Variants in REC8 observed in about 807,000 individuals in gnomAD.
The protein encoded by REC8 is REC8 meiotic recombination protein.
Under a neutral mutation model 78.3 loss-of-function variants are expected in REC8, and 42 were observed. The ratio of observed to expected loss-of-function variants is 0.54; its 90% CI spans 0.42 to 0.69. REC8 has a LOEUF of 0.69. Among genes scored for constraint, REC8 ranks in the 30% least tolerant of loss-of-function variants. The pLI is 0.00. For missense variants in REC8, 581 were observed against 715.8 expected, an observed-to-expected ratio of 0.81 and a Z score of 2.15; for synonymous variants, 268 against 274.1, an observed-to-expected ratio of 0.98 and a Z score of 0.22.
At chr14:24,179,371 C>T (rs1305067365) in intron 15 of REC8, 26 bp from the exon 16 acceptor site, 1 of 1,612,890 alleles carries the variant, frequency 6.2e-7, no homozygotes, top group East Asian at 2.2e-5. Flanking sequence ...AGCAGACACC[C>T]ACTAGCGCCT....
intron 5 of REC8, among the ~76,000 whole-genome samples, chr14:24,174,644 TA>T (rs1478367523): frequency 6.6e-6 from 1 of 152,214 alleles, no homozygotes; most frequent in Admixed American, 6.5e-5. Flanking sequence ...CTGTGGCTCC[TA>T]AACACTAGTT....
chr14:24,173,512 GCT>G lies in REC8; in HGVS notation c.462+107_462+108del, dbSNP rs764325929. ...GGGTTGGGGAAGGAAGCTTACCACA[GCT>G]CTCTCCCACAGGAGATGGTGCAGGG... On this transcript the variant is annotated intron_variant, in intron 5 of 18. Coordinates refer to ENST00000611366, the MANE Select transcript of REC8 (RefSeq NM_001048205.2). The G allele has an allele frequency of 5.6e-5, 87 of 1,559,792 alleles. 1 individual carries two copies. The South Asian group carries it at 9.7e-4, about 17-fold the overall frequency.
intron 5 of REC8, among the ~76,000 whole-genome samples, chr14:24,173,929 G>A (rs901898763): frequency 8.6e-5 from 13 of 152,010 alleles, no homozygotes; most frequent in African/African-American, 2.7e-4. Flanking sequence ...GCAGTGGCAC[G>A]ATCTCAGCTT....
At position 24,172,784 on chromosome 14, in the gene REC8, A is replaced by G. The variant is rs2038723332; in HGVS notation, c.125+3A>G. On this transcript the variant is annotated splice_donor_region_variant and intron_variant, in intron 2 of 18. Transcript: ENST00000611366. The stretch of plus-strand genomic sequence containing the variant: ...AGGGTGAATGTGGTGAAAACCTGGT[A>G]AGGCCCAGAAAAGGGAAGGAGGGCC... The G allele has an allele frequency of 1.2e-6, 2 of 1,614,152 alleles. No individual in the cohort carries two copies. Among genetic ancestry groups the G allele is most frequent in the Non-Finnish European group, 1.7e-6 (2 of 1,180,014 alleles).
Position 24,176,892 on chromosome 14 carries a change from G to A in REC8, c.615G>A (p.Leu205=). Residue 205 remains leucine (L), a synonymous_variant, in exon 7 of 19, where the codon CTG becomes CTA. Coordinates refer to ENST00000611366, the MANE Select transcript of REC8 (RefSeq NM_001048205.2). ...TGGAGGCAGAGCCCATACGGATGCT[G>A]GAGATTGAGGTGAGTTCCCCTGCAC... ...TILEAEPIRM[L]EIEGERELPE... is the part of the protein sequence containing the mutation. 1 of 1,613,326 alleles carries A rather than the reference G, an allele frequency of 6.2e-7. No homozygotes were observed. Among genetic ancestry groups the A allele is most frequent in the Non-Finnish European group, 8.5e-7 (1 of 1,179,598 alleles).
At chr14:24,173,959 C>T (rs554955709) in intron 5 of REC8, among the ~76,000 whole-genome samples, 39 of 152,050 alleles carry the variant, frequency 2.6e-4, no homozygotes, top group African/African-American at 8.9e-4. Context: ...TCTGCCTCCC[C>T]GGTTCAAGCA....
Position 24,172,975 on chromosome 14 carries a change from T to C in REC8, c.202T>C (p.Tyr68His), listed in dbSNP as rs2038734913. 1 of 1,609,488 alleles carries C rather than the reference T, an allele frequency of 6.2e-7. No individual in the cohort carries two copies. The highest frequency in any genetic ancestry group is 1.7e-5 in the Admixed American group (1 of 59,994). ...CCTGCCGCGGCCCCGCTTCTCCCTCTATCTCTCAGCCCAACTTCAGATCGG... is the reference window on the plus strand; with the variant it reads ...CCTGCCGCGGCCCCGCTTCTCCCTCCATCTCTCAGCCCAACTTCAGATCGG... ...PGLPRPRFSLYLSAQLQIGVI... is the reference protein window; with the variant it reads ...PGLPRPRFSLHLSAQLQIGVI... Residue 68 changes from tyrosine (Y) to histidine (H), a missense_variant, in exon 3 of 19, where the codon TAT becomes CAT. Transcript: ENST00000611366.
chr14:24,180,861 T>C (rs1403811353), downstream of REC8: 10 of 864,242 alleles, frequency 1.2e-5, no homozygotes, highest in African/African-American at 1.2e-4. Context: ...AGGGGGGTGG[T>C]TGCACCTGGT....
chr14:24,179,967 A>T, intron 18 of REC8, 43 bp from the exon 19 acceptor site: 2 of 1,614,084 alleles, frequency 1.2e-6, no homozygotes, highest in Non-Finnish European at 1.7e-6. Flanking sequence ...AGAGGCCCGT[A>T]CAGGGACTCC....
chr14:24,180,311 C>T, downstream of REC8: 1 of 1,504,744 alleles, frequency 6.6e-7, no homozygotes, highest in Non-Finnish European at 8.9e-7. Context: ...CCCTGTAAGG[C>T]AGCAAGTGGG....
Position 24,172,998 on chromosome 14 carries a change from C to T in REC8, c.225C>T (p.Ile75=). The T allele has an allele frequency of 1.9e-6, 3 of 1,608,626 alleles. No homozygotes were observed. The highest frequency in any genetic ancestry group is 2.5e-6 in the Non-Finnish European group (3 of 1,180,016). ...FSLYLSAQLQ[I]GVIRVYSQQC... is the part of the protein sequence containing the mutation. ...TCTATCTCTCAGCCCAACTTCAGAT[C>T]GGTGTGATCCGCGTCTATTCTCAAC... The change falls in exon 3 of 19, where the codon ATC becomes ATT. Residue 75 remains isoleucine (I), a synonymous_variant. Transcript: ENST00000611366.
In REC8 at chr14:24,179,914, T is replaced by C; in HGVS notation, c.1558+8T>C. On this transcript the variant is annotated splice_region_variant and intron_variant, in intron 18 of 18. Transcript: ENST00000611366. ...TCTTCTACCTGCTCCTGGGTGAGTG[T>C]ATGCATGTGTGTGTGTGTATGTGGG... The C allele has an allele frequency of 1.9e-6, 3 of 1,613,962 alleles. No homozygotes were observed. The highest frequency in any genetic ancestry group is 2.5e-6 in the Non-Finnish European group (3 of 1,179,952).
In REC8 at chr14:24,178,110, C is replaced by G. The variant is rs201938690; in HGVS notation, c.884C>G (p.Pro295Arg). 620 of 1,613,640 alleles carry G rather than the reference C, an allele frequency of 3.8e-4. 1 individual carries two copies. The African/African-American group carries it at 7.5e-3, about 19-fold the overall frequency. The change falls in exon 12 of 19, where the codon CCA becomes CGA. Residue 295 changes from proline to arginine, a missense_variant. Coordinates refer to ENST00000611366, the MANE Select transcript of REC8 (RefSeq NM_001048205.2). ...CAACAGAGGAGGCCCCCAGTCCCCC[C>G]ACCTCCTCGCCGCCGCCGTCGTCGC... ...PSPERRPPVP[P>R]PPRRRRRRRL...
rs777435227 is a variant in REC8 at position 24,172,624 on chromosome 14, G to T, written c.56+16G>T. 1.9e-6 allele frequency: 3 copies of T among 1,613,008 alleles called. No homozygotes were observed. The African/African-American group carries it at 4.0e-5, about 22-fold the overall frequency. ...CCACCATCTGGTAAGGGCGGGGCCC[G>T]TTGGCGCGCGATGGCGGACGCTGCC... On this transcript the variant is annotated intron_variant, in intron 1 of 18. Coordinates refer to ENST00000611366, the MANE Select transcript of REC8 (RefSeq NM_001048205.2).
At chr14:24,179,262 G>A in intron 15 of REC8, 129 bp downstream of exon 15, 1 of 1,193,994 alleles carries the variant, frequency 8.4e-7, no homozygotes, top group Non-Finnish European at 1.2e-6. Flanking sequence ...GCACGGACTG[G>A]TCCTCCTCAG....
intron 5 of REC8, among the ~76,000 whole-genome samples, chr14:24,174,276 G>T (rs1024414617): frequency 6.6e-6 from 1 of 151,070 alleles, no homozygotes; most frequent in East Asian, 2.0e-4. Context: ...GAGCCATCGC[G>T]CTGGCCTATT....
In REC8 at chr14:24,176,891, T is replaced by C; in HGVS notation, c.614T>C (p.Leu205Pro). The C allele has an allele frequency of 6.2e-7, 1 of 1,613,488 alleles. No homozygotes were observed. The highest frequency in any genetic ancestry group is 8.5e-7 in the Non-Finnish European group (1 of 1,179,650). ...TILEAEPIRMLEIEGERELPE... is the reference protein window; with the variant it reads ...TILEAEPIRMPEIEGERELPE... ...CTGGAGGCAGAGCCCATACGGATGC[T>C]GGAGATTGAGGTGAGTTCCCCTGCA... Residue 205 changes from leucine (L) to proline (P), a missense_variant, in exon 7 of 19, where the codon CTG becomes CCG. Leu to Pro is a moderately conservative substitution (Grantham distance 98). Coordinates refer to ENST00000611366, the MANE Select transcript of REC8 (RefSeq NM_001048205.2).
At chr14:24,180,371 G>A (rs2138803731), downstream of REC8, 1 of 1,553,088 alleles carries the variant, frequency 6.4e-7, no homozygotes, top group African/African-American at 1.4e-5. Context: ...AGGCAGAACT[G>A]AACTGGGCTG....
chr14:24,174,424 C>T (rs953373302), intron 5 of REC8, among the ~76,000 whole-genome samples: 8 of 151,902 alleles, frequency 5.3e-5, no homozygotes, highest in Non-Finnish European at 8.8e-5. Context: ...ATTACAGATG[C>T]CTGCCACCAT....
Sources: gnomAD v4.1 joint callset for allele counts (sites outside exome capture counted in the v4.1 genomes callset) on GRCh38, gnomAD v4.1.1 for gene constraint, MANE v1.5 for transcripts, NCBI Gene and HGNC (gene_info 2026-07-23, HGNC 2026-07-21) for gene names.